RBFOX2: variants seen among roughly 807,000 people sequenced by gnomAD.
RBFOX2 encodes the protein RNA binding protein fox-1 homolog 2.
Under a neutral mutation model 49.1 loss-of-function variants are expected in RBFOX2, and 10 were observed. The ratio of observed to expected loss-of-function variants is 0.20; its 90% CI spans 0.13 to 0.35. The LOEUF is 0.35. Among genes scored for constraint, RBFOX2 ranks in the 10% least tolerant of loss-of-function variants. RBFOX2 has a pLI of 1.00. For synonymous variants in RBFOX2, 183 were observed against 187.4 expected (o/e 0.98, Z 0.19); for missense variants, 323 against 486.9 (o/e 0.66, Z 3.17).
intron 1 of RBFOX2, among the ~76,000 whole-genome samples, chr22:35,967,460 A>T (rs1316622632): frequency 6.6e-6 from 1 of 152,116 alleles, no homozygotes; most frequent in African/African-American, 2.4e-5. Flanking sequence ...TAGGTCAAAC[A>T]ACTCAATCTA....
chr22:35,926,669 G>A (rs2051675044), intron 1 of RBFOX2, among the ~76,000 whole-genome samples: 1 of 152,154 alleles, frequency 6.6e-6, no homozygotes, highest in South Asian at 2.1e-4. Flanking sequence ...AGGTACAGAA[G>A]AGCGATGAGA....
At chr22:35,805,289 CAAAAAAA>C (rs748086413) in intron 2 of RBFOX2, among the ~76,000 whole-genome samples, 14 of 37,908 alleles carry the variant, frequency 3.7e-4, no homozygotes, top group African/African-American at 1.0e-3. Flanking sequence ...GACTCCGTCT[CAAAAAAA>C]AAAAAAAAAA....
Position 35,765,388 on chromosome 22 carries a change from GAATAAA to G in RBFOX2, c.607+29_607+34del, listed in dbSNP as rs772846033. 3 of 1,420,522 alleles carry G rather than the reference GAATAAA, an allele frequency of 2.1e-6. No individual in the cohort carries two copies. The South Asian group carries it at 3.8e-5, about 18-fold the overall frequency. 88.0% of individuals were successfully genotyped at this position (1,420,522 alleles called of 1,614,324 possible). A position where few individuals can be genotyped will look rare whatever the true frequency, so the allele number is the denominator to read the frequency against. On this transcript the variant is annotated intron_variant, in intron 6 of 11. Transcript: ENST00000405409. ...ATAAAAACTTCATATATTTACACAA[GAATAAA>G]CACTCTTTCGAAGATTATAATTTCT...
chr22:35,746,526 A>G, exon 10 of RBFOX2: 4 of 1,610,620 alleles, frequency 2.5e-6, no homozygotes, highest in Non-Finnish European at 3.4e-6. Context: ...CGGTTGCAGT[A>G]GCAGGCTGTG....
At position 35,789,873 on chromosome 22, in the gene RBFOX2, G is replaced by A. The variant is rs951565512; in HGVS notation, c.253-8127C>T. Among the ~76,000 whole-genome samples, 4 of 152,298 alleles carry A rather than the reference G, an allele frequency of 2.6e-5. No individual in the cohort carries two copies. The East Asian group carries it at 5.8e-4, about 22-fold the overall frequency. On this transcript the variant is annotated intron_variant, in intron 2 of 11. Transcript: ENST00000405409. ...CATTGGTTGTCTATTCAGGACTTAA[G>A]AGTTGAGGGGGTAGGTGGCAGGTAG...
intron 2 of RBFOX2, among the ~76,000 whole-genome samples, chr22:35,792,978 G>A (rs968638067): frequency 2.6e-5 from 4 of 152,146 alleles, no homozygotes; most frequent in African/African-American, 9.7e-5. Context: ...TGCCCAGGCT[G>A]GTCTCAAACT....
At chr22:35,895,970 A>G (rs1227752960) in intron 1 of RBFOX2, among the ~76,000 whole-genome samples, 1 of 152,200 alleles carries the variant, frequency 6.6e-6, no homozygotes, top group Non-Finnish European at 1.5e-5. Flanking sequence ...AAGTATTATC[A>G]AATCACCTGT....
chr22:35,778,314 A>AGCC (rs1371296502), intron 3 of RBFOX2, among the ~76,000 whole-genome samples: 14 of 152,222 alleles, frequency 9.2e-5, no homozygotes, highest in Non-Finnish European at 2.1e-4. Context: ...TCACAGTGTT[A>AGCC]GCCCATTAGA....
upstream of RBFOX2, among the ~76,000 whole-genome samples, chr22:35,841,685 T>G (rs1258623246): frequency 1.3e-5 from 2 of 152,166 alleles, no homozygotes. Context: ...TACCCAAAGG[T>G]TAAAAAGATT....
chr22:35,926,621 A>C (rs2051668642), intron 1 of RBFOX2, among the ~76,000 whole-genome samples: 2 of 152,198 alleles, frequency 1.3e-5, no homozygotes, highest in Admixed American at 6.5e-5. Flanking sequence ...TAGGGGGAAA[A>C]GTCAAACTGC....
At chr22:35,835,800 A>T (rs1488732002) in intron 1 of RBFOX2, among the ~76,000 whole-genome samples, 1 of 152,220 alleles carries the variant, frequency 6.6e-6, no homozygotes, top group African/African-American at 2.4e-5. Flanking sequence ...AATTCTGTTT[A>T]TCTTTTCAAG....
At position 35,759,924 on chromosome 22, in the gene RBFOX2, C is replaced by T. The variant is rs1251296335; in HGVS notation, c.851G>A (p.Arg284Gln). Residue 284 changes from arginine to glutamine, a missense_variant, in exon 9 of 12, where the codon CGA (arginine) becomes CAA (glutamine). Transcript: ENST00000405409. This position sits in a 1 kb window ranked among gnomAD's most constrained non-coding sequence, Gnocchi z 4.6. ...GGGGATGGCTGTTGGAGGTACCGCT[C>T]GGACTGCACCATATACTGTCCGCCC... is the stretch of plus-strand genomic sequence containing the variant. The T allele has an allele frequency of 1.2e-6, 2 of 1,613,648 alleles. No individual in the cohort carries two copies. The highest frequency in any genetic ancestry group is 8.5e-7 in the Non-Finnish European group (1 of 1,180,026).
intron 1 of RBFOX2, among the ~76,000 whole-genome samples, chr22:35,872,277 T>G (rs2044457350): frequency 6.6e-6 from 1 of 152,158 alleles, no homozygotes; most frequent in South Asian, 2.1e-4. Context: ...GGGCAGGCTG[T>G]GGGGCTCCGA....
chr22:35,951,659 A>T (rs967301967), intron 1 of RBFOX2, among the ~76,000 whole-genome samples: 8 of 152,196 alleles, frequency 5.3e-5, no homozygotes, highest in Non-Finnish European at 7.4e-5. Flanking sequence ...GCTACTTACT[A>T]TATATAAGAC....
chr22:36,026,231 C>T (rs1485758973), intron 1 of RBFOX2, among the ~76,000 whole-genome samples: 4 of 147,864 alleles, frequency 2.7e-5, no homozygotes, highest in African/African-American at 5.0e-5. Context: ...GAGCCGAGAT[C>T]GTGCCATTGC....
upstream of RBFOX2, among the ~76,000 whole-genome samples, chr22:35,943,637 G>A (rs920230683): frequency 3.3e-5 from 5 of 152,156 alleles, no homozygotes; most frequent in South Asian, 2.1e-4. Context: ...GGTGGCTCAC[G>A]CCTGTAATCC....
Position 35,988,267 on chromosome 22 carries a change from T to C in RBFOX2, c.186+39973A>G, listed in dbSNP as rs73885460. Among the ~76,000 whole-genome samples, 1,135 of 152,206 alleles carry C rather than the reference T, an allele frequency of 7.5e-3. 15 individuals are homozygous for C. The highest frequency in any genetic ancestry group is 0.026 in the African/African-American group (1,090 of 41,512). ...TTCTTTCAGTTCTAAAATCCTATAA[T>C]CCATACAACCATTAAATGGCAATAA... On this transcript the variant is annotated intron_variant, in intron 1 of 13. Transcript: ENST00000438146.
intron 1 of RBFOX2, among the ~76,000 whole-genome samples, chr22:35,914,778 G>C (rs969827426): frequency 4.6e-5 from 7 of 152,090 alleles, no homozygotes; most frequent in African/African-American, 9.7e-5. Context: ...GATCCCCGGG[G>C]GTAAACAACA....
At chr22:35,857,785 G>A (rs919208833) in intron 1 of RBFOX2, among the ~76,000 whole-genome samples, 1 of 152,200 alleles carries the variant, frequency 6.6e-6, no homozygotes, top group Admixed American at 6.5e-5. Flanking sequence ...GGCAAAGGCT[G>A]AAAATAGAAC....
Sources: allele counts gnomAD v4.1 joint callset (sites outside exome capture counted in the v4.1 genomes callset), GRCh38; gene constraint gnomAD v4.1.1; non-coding constraint Gnocchi (gnomAD v3.1); transcripts MANE v1.5; gene names NCBI Gene and HGNC (gene_info 2026-07-23, HGNC 2026-07-21).